Variants in FRMD3 observed in about 807,000 individuals in gnomAD.
The protein encoded by FRMD3 is FERM domain containing 3, also known as FERM domain-containing protein 3.
A neutral mutation model predicts 70.2 loss-of-function variants in FRMD3; 33 were observed. The ratio of observed to expected loss-of-function variants is 0.47; its 90% CI spans 0.36 to 0.63. The LOEUF is 0.63. FRMD3 is among the 20% of genes least tolerant of loss of function. The pLI is 0.00. For missense variants in FRMD3, 632 were observed against 711.4 expected (o/e 0.89, Z 1.27); for synonymous variants, 279 against 255.9 (o/e 1.09, Z -0.86).
rs138172997 is a variant in FRMD3, at chr9:83,322,988, C to G, written c.597-9241G>C. Among the ~76,000 whole-genome samples, 315 of 152,290 alleles carry G rather than the reference C, an allele frequency of 2.1e-3. 1 individual carries two copies. Among genetic ancestry groups the G allele is most frequent in the Middle Eastern group, 6.8e-3 (2 of 294 alleles). ...AATGCAAATTAAAACTATGAGAAAC[C>G]ACTAACATCTCCATCTGGTAGCTAC... On this transcript the variant is annotated intron_variant, in intron 6 of 13. Coordinates refer to ENST00000304195, the MANE Select transcript of FRMD3 (RefSeq NM_174938.6).
At chr9:83,485,228 T>G (rs1489566937) in intron 1 of FRMD3, among the ~76,000 whole-genome samples, 1 of 152,174 alleles carries the variant, frequency 6.6e-6, no homozygotes, top group East Asian at 1.9e-4. Flanking sequence ...TACTTATAGT[T>G]AATAATTCTG....
chr9:83,398,595 A>G (rs1335067943), intron 1 of FRMD3, among the ~76,000 whole-genome samples: 1 of 152,228 alleles, frequency 6.6e-6, no homozygotes, highest in Non-Finnish European at 1.5e-5. Context: ...AACATGGCAC[A>G]TGTATACATA....
chr9:83,571,009 T>C, the FRMD3 span, among the ~76,000 whole-genome samples: 30 of 152,296 alleles, frequency 2.0e-4, 1 homozygote, highest in Non-Finnish European at 4.0e-4. Context: ...ATGCTGAAAT[T>C]TGATTCCCAA....
At chr9:83,300,535 T>C (rs577858253) in intron 10 of FRMD3, among the ~76,000 whole-genome samples, 1 of 152,288 alleles carries the variant, frequency 6.6e-6, no homozygotes, top group Non-Finnish European at 1.5e-5. Context: ...ATGGACTTTA[T>C]AGACTCAGAA....
At chr9:83,580,334 A>T in the FRMD3 span, among the ~76,000 whole-genome samples, 1 of 152,108 alleles carries the variant, frequency 6.6e-6, no homozygotes, top group African/African-American at 2.4e-5. Context: ...CTGTACTCCC[A>T]TACTCCCAAT....
chr9:83,314,564 G>A (rs368880486), intron 6 of FRMD3, among the ~76,000 whole-genome samples: 4 of 151,998 alleles, frequency 2.6e-5, no homozygotes, highest in Admixed American at 1.3e-4. Context: ...TCCCAAAGAC[G>A]GATTGTCCCC....
At chr9:83,327,716 T>A (rs1836076267) in intron 6 of FRMD3, among the ~76,000 whole-genome samples, 1 of 152,206 alleles carries the variant, frequency 6.6e-6, no homozygotes, top group African/African-American at 2.4e-5. Flanking sequence ...AAGAAAGACA[T>A]TCTGGATTTT....
intron 1 of FRMD3, among the ~76,000 whole-genome samples, chr9:83,474,819 G>A (rs557026251): frequency 6.6e-6 from 1 of 151,768 alleles, no homozygotes; most frequent in Admixed American, 6.6e-5. Flanking sequence ...CAAGCAGAAA[G>A]GGAAGCAAAG....
chr9:83,282,412 CTA>C (rs1241889796), intron 13 of FRMD3, among the ~76,000 whole-genome samples: 1 of 152,168 alleles, frequency 6.6e-6, no homozygotes, highest in East Asian at 1.9e-4. Flanking sequence ...CCGCCACAGG[CTA>C]TATATTGCTA....
intron 1 of FRMD3, among the ~76,000 whole-genome samples, chr9:83,486,931 T>G (rs1021747227): frequency 1.3e-5 from 2 of 152,240 alleles, no homozygotes; most frequent in Non-Finnish European, 2.9e-5. Context: ...AACTCCTGCA[T>G]TAACAGTGAC....
intron 7 of FRMD3, among the ~76,000 whole-genome samples, chr9:83,312,256 A>G (rs891808887): frequency 3.9e-5 from 6 of 152,170 alleles, no homozygotes; most frequent in Admixed American, 2.0e-4. Context: ...CACTATGTCT[A>G]CTTCCCAGTG....
chr9:83,382,085 A>G (rs1825374335), intron 2 of FRMD3, among the ~76,000 whole-genome samples: 1 of 152,104 alleles, frequency 6.6e-6, no homozygotes, highest in South Asian at 2.1e-4. Context: ...TATTTATTTT[A>G]AAGTACGCTA....
chr9:83,275,267 C>G (rs1392563539), intron 13 of FRMD3, among the ~76,000 whole-genome samples: 1 of 152,176 alleles, frequency 6.6e-6, no homozygotes, highest in Non-Finnish European at 1.5e-5. Context: ...CGACTTCCTT[C>G]TCTCCACTTC....
chr9:83,424,059 C>G (rs1347906335), intron 1 of FRMD3, among the ~76,000 whole-genome samples: 2 of 152,116 alleles, frequency 1.3e-5, no homozygotes, highest in Non-Finnish European at 2.9e-5. Context: ...ACTTGAAGAT[C>G]TTATTAAAAT....
chr9:83,313,568 A>G, intron 7 of FRMD3, 92 bp downstream of exon 7: 5 of 1,013,532 alleles, frequency 4.9e-6, no homozygotes, highest in Non-Finnish European at 7.7e-6. Flanking sequence ...TGTGGGAAAG[A>G]TTTAACAAGG....
chr9:83,472,375 A>G lies in FRMD3; in HGVS notation c.147+65710T>C, dbSNP rs571941770. On this transcript the variant is annotated intron_variant, in intron 1 of 13. Transcript: ENST00000304195. Reference sequence around the variant, plus strand: ...GACACACACGTGAAACATGCCCCCAAAGAGTTCAGGAAACGCTCATCAGGA... The same window carrying G: ...GACACACACGTGAAACATGCCCCCAGAGAGTTCAGGAAACGCTCATCAGGA... Among the ~76,000 whole-genome samples the G allele has an allele frequency of 3.5e-4, 53 of 152,292 alleles. 1 individual carries two copies. The South Asian group carries it at 9.8e-3, about 28-fold the overall frequency.
intron 1 of FRMD3, among the ~76,000 whole-genome samples, chr9:83,454,653 C>T (rs1184445027): frequency 6.6e-6 from 1 of 152,120 alleles, no homozygotes; most frequent in Admixed American, 6.6e-5. Context: ...TTCTTACCCA[C>T]CAGAAAGGTT....
Position 83,245,016 on chromosome 9 carries a change from C to G in FRMD3, c.*2902G>C. On this transcript the variant is annotated 3_prime_UTR_variant, in exon 14 of 14. Coordinates refer to ENST00000304195, the MANE Select transcript of FRMD3 (RefSeq NM_174938.6). ...ATTTATTTATATCCACAAATGTACA[C>G]TCAGTGGCATTTATGGAAAATTTAA... 1 of 984,734 alleles carries G rather than the reference C, an allele frequency of 1.0e-6. No homozygotes were observed. The highest frequency in any genetic ancestry group is 1.2e-6 in the Non-Finnish European group (1 of 829,360). The allele number at this position is 984,734 out of a possible 1,614,324, so 61.0% of individuals were successfully genotyped here. A position where few individuals can be genotyped will look rare whatever the true frequency, so the allele number is the denominator to read the frequency against.
intron 13 of FRMD3, among the ~76,000 whole-genome samples, chr9:83,271,283 T>C (rs1421563214): frequency 1.3e-5 from 2 of 152,222 alleles, no homozygotes; most frequent in East Asian, 1.9e-4. Context: ...AGTGGAAAGA[T>C]AATAAATTAT....
Sources: gnomAD v4.1 joint callset for allele counts (sites outside exome capture counted in the v4.1 genomes callset) on GRCh38, gnomAD v4.1.1 for gene constraint, MANE v1.5 for transcripts, NCBI Gene and HGNC (gene_info 2026-07-23, HGNC 2026-07-21) for gene names.